NFKBIE: variants seen among roughly 807,000 people sequenced by gnomAD.
The protein encoded by NFKBIE is NFKB inhibitor epsilon.
NFKBIE carries 11 observed loss-of-function variants against 31.6 expected under a neutral mutation model. That is an observed-to-expected ratio of 0.35 (90% CI 0.22 to 0.58). The LOEUF is 0.58. Ranked by LOEUF, NFKBIE falls within the 20% of genes least tolerant of loss-of-function variation. NFKBIE has a pLI of 0.83. For missense variants in NFKBIE, 354 were observed against 465.7 expected (o/e 0.76, Z 2.21); for synonymous variants, 208 against 210.1 (o/e 0.99, Z 0.09).
intron 5 of NFKBIE, among the ~76,000 whole-genome samples, chr6:44,259,807 T>C (rs752829599): frequency 5.3e-5 from 8 of 152,156 alleles, no homozygotes; most frequent in Non-Finnish European, 8.8e-5. Flanking sequence ...CACCACACCA[T>C]GGTCTCATAT....
intron 1 of NFKBIE, among the ~76,000 whole-genome samples, chr6:44,264,724 G>T (rs1257071786): frequency 6.6e-6 from 1 of 152,202 alleles, no homozygotes; most frequent in African/African-American, 2.4e-5. Flanking sequence ...CTCTTCCTAA[G>T]GGTGGATTAT....
Position 44,263,914 on chromosome 6 carries a change from T to C in NFKBIE, c.365+1068A>G, listed in dbSNP as rs948859208. ...CTTGGATCAAAGGTCATCAGAGGTATCTTGCGTGCAGCCCCCAAAACCTTG... is the reference window on the plus strand; with the variant it reads ...CTTGGATCAAAGGTCATCAGAGGTACCTTGCGTGCAGCCCCCAAAACCTTG... On this transcript the variant is annotated intron_variant, in intron 1 of 5. Coordinates refer to ENST00000619360, the MANE Select transcript of NFKBIE (RefSeq NM_004556.3). This position sits in a 1 kb window ranked among gnomAD's most constrained non-coding sequence, Gnocchi z 5.0. Among the ~76,000 whole-genome samples the C allele has an allele frequency of 1.6e-4, 24 of 152,110 alleles. No homozygotes were observed. The highest frequency in any genetic ancestry group is 5.8e-4 in the African/African-American group (24 of 41,402).
At chr6:44,262,770 G>T in intron 1 of NFKBIE, 108 bp from the exon 2 acceptor site, 1 of 785,722 alleles carries the variant, frequency 1.3e-6, no homozygotes. Flanking sequence ...CTACCCATAG[G>T]GTAGGTCCAG....
At chr6:44,264,621 C>T (rs1043469132) in intron 1 of NFKBIE, among the ~76,000 whole-genome samples, 10 of 152,224 alleles carry the variant, frequency 6.6e-5, no homozygotes, top group East Asian at 1.9e-4. Context: ...ATTCTGAGGT[C>T]AGGAACTGGG....
At position 44,261,032 on chromosome 6, in the gene NFKBIE, G is replaced by C. The variant is rs552779318; in HGVS notation, c.692-493C>G. On this transcript the variant is annotated intron_variant, in intron 3 of 5. Coordinates refer to ENST00000619360, the MANE Select transcript of NFKBIE (RefSeq NM_004556.3). This position sits in a 1 kb window ranked among gnomAD's most constrained non-coding sequence, Gnocchi z 4.3. ...TCTCCTTTCTAGTCTGGACACTCCC[G>C]ACCCTTGCTTAGTAATAGAGATTTC... Among the ~76,000 whole-genome samples the C allele has an allele frequency of 1.3e-5, 2 of 152,034 alleles. No homozygotes were observed. Among genetic ancestry groups the C allele is most frequent in the Non-Finnish European group, 2.9e-5 (2 of 68,002 alleles).
Position 44,261,528 on chromosome 6 carries a change from ACAAGCTGGGACCCTC to A in NFKBIE, c.691+83_691+97del. 7.9e-7 allele frequency: 1 copy of A among 1,261,692 alleles called. No individual in the cohort carries two copies. The highest frequency in any genetic ancestry group is 1.1e-6 in the Non-Finnish European group (1 of 893,558). 78.2% of individuals were successfully genotyped at this position (1,261,692 alleles called of 1,614,324 possible). On this transcript the variant is annotated intron_variant, in intron 3 of 5. Coordinates refer to ENST00000619360, the MANE Select transcript of NFKBIE (RefSeq NM_004556.3). This position sits in a 1 kb window ranked among gnomAD's most constrained non-coding sequence, Gnocchi z 4.3. Reference sequence around the variant, plus strand: ...CTTACAGTGGGAGGGGCACCAATGGACAAGCTGGGACCCTCCCTTCCCCAAGAGTGAGGTCCCTAT... The same window carrying A: ...CTTACAGTGGGAGGGGCACCAATGGACCTTCCCCAAGAGTGAGGTCCCTAT...
Position 44,265,313 on chromosome 6 carries a change from C to G in NFKBIE, c.34G>C (p.Glu12Gln). The change falls in exon 1 of 6, where the codon GAG becomes CAG. Residue 12 changes from glutamate (E) to glutamine (Q), a missense_variant. By Grantham distance (29) the Glu-to-Gln change is conservative (BLOSUM62 2). Around this residue, in one of 2 missense-constraint regions of NFKBIE, gnomAD observed 171 missense variants for 155.1 expected, o/e 1.10. Transcript: ENST00000619360. Reference protein sequence around the residue: ...SEARKGPDEAEESQYDSGIES... With the variant: ...SEARKGPDEAQESQYDSGIES... Reference sequence around the variant, plus strand: ...ATGCCAGAGTCGTACTGGCTCTCCTCCGCCTCGTCCGGCCCCTTCCGCGCC... The same window carrying G: ...ATGCCAGAGTCGTACTGGCTCTCCTGCGCCTCGTCCGGCCCCTTCCGCGCC... 1 of 1,547,216 alleles carries G rather than the reference C, an allele frequency of 6.5e-7. No individual in the cohort carries two copies. Among genetic ancestry groups the G allele is most frequent in the Non-Finnish European group, 8.7e-7 (1 of 1,149,338 alleles).
At position 44,259,195 on chromosome 6, in the gene NFKBIE, G is replaced by T; in HGVS notation, c.*24C>A. 6.2e-7 allele frequency: 1 copy of T among 1,612,844 alleles called. No individual in the cohort carries two copies. Among genetic ancestry groups the T allele is most frequent in the South Asian group, 1.1e-5 (1 of 91,000 alleles). On this transcript the variant is annotated 3_prime_UTR_variant, in exon 6 of 6. Transcript: ENST00000619360. ...CTTCCAGATGGAGAGGTGGAGCCCT[G>T]AGGATCCCAGACCCTGCCTGGCTTC... is the stretch of plus-strand genomic sequence containing the variant.
At position 44,260,276 on chromosome 6, in the gene NFKBIE, T is replaced by C. The variant is rs756184942; in HGVS notation, c.787A>G (p.Thr263Ala). Residue 263 changes from threonine (T) to alanine (A), a missense_variant, in exon 5 of 6, where the codon ACC becomes GCC. Transcript: ENST00000619360. The surrounding 1 kb of genome is among the most constrained non-coding windows in gnomAD (Gnocchi z 5.5). ...AGGTGCAGCGCTGTCTTACCACTGG[T>C]GCCCTCCTGGGGAGGAATAAGGATG... ...NGADIDVQEG[T>A]SGKTALHLAV... 6.2e-7 allele frequency: 1 copy of C among 1,609,108 alleles called. No individual in the cohort carries two copies. The highest frequency in any genetic ancestry group is 8.5e-7 in the Non-Finnish European group (1 of 1,175,986).
Position 44,259,206 on chromosome 6 carries a change from A to G in NFKBIE, c.*13T>C, listed in dbSNP as rs748357814. On this transcript the variant is annotated 3_prime_UTR_variant, in exon 6 of 6. Transcript: ENST00000619360. ...AGAGGTGGAGCCCTGAGGATCCCAG[A>G]CCCTGCCTGGCTTCAGTCGGTACAC... 1.9e-6 allele frequency: 3 copies of G among 1,612,912 alleles called. No individual in the cohort carries two copies. Among genetic ancestry groups the G allele is most frequent in the African/African-American group, 1.3e-5 (1 of 74,810 alleles).
rs952365655 is a variant in NFKBIE at position 44,263,084 on chromosome 6, C to T, written c.366-422G>A. Among the ~76,000 whole-genome samples, 8 of 152,230 alleles carry T rather than the reference C, an allele frequency of 5.3e-5. No individual in the cohort carries two copies. The highest frequency in any genetic ancestry group is 4.6e-4 in the Admixed American group (7 of 15,290). The stretch of plus-strand genomic sequence containing the variant: ...CACACAGGAAAGAAGGAGACAGTTG[C>T]AGGGTCACCCCGTACCCCCAAGCAA... On this transcript the variant is annotated intron_variant, in intron 1 of 5. Coordinates refer to ENST00000619360, the MANE Select transcript of NFKBIE (RefSeq NM_004556.3). The surrounding 1 kb of genome is among the most constrained non-coding windows in gnomAD (Gnocchi z 5.0).
At position 44,259,192 on chromosome 6, in the gene NFKBIE, CCT is replaced by C; in HGVS notation, c.*25_*26del. The C allele has an allele frequency of 6.2e-7, 1 of 1,612,662 alleles. No homozygotes were observed. The highest frequency in any genetic ancestry group is 8.5e-7 in the Non-Finnish European group (1 of 1,179,050). ...CGGCTTCCAGATGGAGAGGTGGAGCCCTGAGGATCCCAGACCCTGCCTGGCTT... is the reference window on the plus strand; with the variant it reads ...CGGCTTCCAGATGGAGAGGTGGAGCCGAGGATCCCAGACCCTGCCTGGCTT... On this transcript the variant is annotated 3_prime_UTR_variant, in exon 6 of 6. Coordinates refer to ENST00000619360, the MANE Select transcript of NFKBIE (RefSeq NM_004556.3).
In NFKBIE at chr6:44,261,667, C is replaced by T; in HGVS notation, c.650G>A (p.Gly217Glu). Reference sequence around the variant, plus strand: ...CTGGAGGTCCAGAGAGTGAGATGTTCCTCTGCCTGGCTCTGGCCGCCCTTC... The same window carrying T: ...CTGGAGGTCCAGAGAGTGAGATGTTTCTCTGCCTGGCTCTGGCCGCCCTTC... ...LLEGRPEPGR[G>E]TSHSLDLQLQ... The change falls in exon 3 of 6, where the codon GGA (glycine) becomes GAA (glutamate). Residue 217 changes from glycine to glutamate, a missense_variant. Gly to Glu is a moderately conservative substitution (Grantham distance 98, BLOSUM62 -2). This residue lies in a region of NFKBIE where 183 missense variants were observed against 310.6 expected (regional missense o/e 0.59). Transcript: ENST00000619360. This position sits in a 1 kb window ranked among gnomAD's most constrained non-coding sequence, Gnocchi z 4.3. The T allele has an allele frequency of 6.2e-7, 1 of 1,614,222 alleles. No individual in the cohort carries two copies.
intron 1 of NFKBIE, 94 bp downstream of exon 1, chr6:44,264,888 G>A: frequency 1.5e-6 from 2 of 1,342,814 alleles, no homozygotes; most frequent in Non-Finnish European, 2.0e-6. Flanking sequence ...GGGACTTGAA[G>A]GATCTTCACG....
chr6:44,265,211 G>A lies in NFKBIE; in HGVS notation c.136C>T (p.Gln46Ter). 6.4e-7 allele frequency: 1 copy of A among 1,551,960 alleles called. No individual in the cohort carries two copies. The highest frequency in any genetic ancestry group is 8.7e-7 in the Non-Finnish European group (1 of 1,147,184). ...PASGPSDGSP[Q>*]PCTHPPGPVK... ...GGTCCCGGAGGATGGGTGCAGGGCTGGGGGCTGCCGTCCGAGGGCCCGGAG... is the reference window on the plus strand; with the variant it reads ...GGTCCCGGAGGATGGGTGCAGGGCTAGGGGCTGCCGTCCGAGGGCCCGGAG... The change falls in exon 1 of 6, where the codon CAG (glutamine) becomes TAG (stop). Residue 46 changes from glutamine (Q) to a stop codon, truncating the protein, a stop_gained. Coordinates refer to ENST00000619360, the MANE Select transcript of NFKBIE (RefSeq NM_004556.3). LOFTEE classifies it high-confidence loss of function.
In NFKBIE at chr6:44,265,372, C is replaced by T. The variant is rs1782087838; in HGVS notation, c.-26G>A. 6.4e-7 allele frequency: 1 copy of T among 1,563,686 alleles called. No individual in the cohort carries two copies. The highest frequency in any genetic ancestry group is 8.6e-7 in the Non-Finnish European group (1 of 1,161,492). On this transcript the variant is annotated 5_prime_UTR_variant, in exon 1 of 6. Transcript: ENST00000619360. ...GCCCGCGGCTCTGGCCGGCCGGGGC[C>T]CGGTCTGAGCAGGATCCGGCTCCAG...
Position 44,264,963 on chromosome 6 carries a change from G to A in NFKBIE, c.365+19C>T. On this transcript the variant is annotated intron_variant, in intron 1 of 5. Coordinates refer to ENST00000619360, the MANE Select transcript of NFKBIE (RefSeq NM_004556.3). ...GGCCCAGAGTTAGCATCCCGATTCA[G>A]CCTAGCCCCCATACTCACGTGTCTC... 2 of 1,552,916 alleles carry A rather than the reference G, an allele frequency of 1.3e-6. No individual in the cohort carries two copies. The highest frequency in any genetic ancestry group is 1.7e-6 in the Non-Finnish European group (2 of 1,150,002).
Position 44,260,373 on chromosome 6 carries a change from A to C in NFKBIE, c.780+78T>G. The C allele has an allele frequency of 6.2e-7, 1 of 1,612,652 alleles. No homozygotes were observed. Among genetic ancestry groups the C allele is most frequent in the African/African-American group, 1.3e-5 (1 of 75,024 alleles). ...AAGGAAGTGAATGCCACCACTTCTG[A>C]CTGCTGGGCAGGGGACTTGGGGATG... On this transcript the variant is annotated intron_variant, in intron 4 of 5. Coordinates refer to ENST00000619360, the MANE Select transcript of NFKBIE (RefSeq NM_004556.3). The surrounding 1 kb of genome is among the most constrained non-coding windows in gnomAD (Gnocchi z 5.5).
Position 44,265,511 on chromosome 6 carries a change from A to G in NFKBIE, c.-165T>C, listed in dbSNP as rs1411742205. The stretch of plus-strand genomic sequence containing the variant: ...TCCGAGGGGCCGGCGCGCAGCGAGG[A>G]CAAGGTTCGGAGCGCTGGCCAGGTC... On this transcript the variant is annotated 5_prime_UTR_variant, in exon 1 of 6. Coordinates refer to ENST00000619360, the MANE Select transcript of NFKBIE (RefSeq NM_004556.3). 10 of 1,552,860 alleles carry G rather than the reference A, an allele frequency of 6.4e-6. No individual in the cohort carries two copies. Among genetic ancestry groups the G allele is most frequent in the Non-Finnish European group, 7.8e-6 (9 of 1,151,194 alleles).
Sources: gnomAD v4.1 joint callset for allele counts (sites outside exome capture counted in the v4.1 genomes callset) on GRCh38, gnomAD v4.1.1 for gene constraint, gnomAD v4.1.1 regional missense constraint, Gnocchi (gnomAD v3.1) non-coding constraint, MANE v1.5 for transcripts, NCBI Gene and HGNC (gene_info 2026-07-23, HGNC 2026-07-21) for gene names.